Variants in PCDH15 observed in about 807,000 individuals in gnomAD.
The protein encoded by PCDH15 is protocadherin-15.
PCDH15 carries 129 observed loss-of-function variants against 178.5 expected under a neutral mutation model. The ratio of observed to expected loss-of-function variants is 0.72; its 90% CI spans 0.63 to 0.84. The LOEUF is 0.84. PCDH15 is among the 40% of genes least tolerant of loss of function. PCDH15 has a pLI of 0.00. For missense variants in PCDH15, 2,230 were observed against 2,099.9 expected, an observed-to-expected ratio of 1.06 and a Z score of -1.21; for synonymous variants, 800 against 732.0, an observed-to-expected ratio of 1.09 and a Z score of -1.50.
chr10:54,376,513 TA>T (rs1565120656), intron 4 of PCDH15, among the ~76,000 whole-genome samples: 2 of 151,300 alleles, frequency 1.3e-5, no homozygotes, highest in East Asian at 3.9e-4. Context: ...ACAATCTATA[TA>T]AAAAGTGTGC....
At chr10:53,902,036 A>T (rs1481567413) in intron 26 of PCDH15, among the ~76,000 whole-genome samples, 1 of 152,150 alleles carries the variant, frequency 6.6e-6, no homozygotes, top group Non-Finnish European at 1.5e-5. Context: ...AGTGTTTAGC[A>T]CATTATAGGT....
chr10:54,667,242 G>A (rs1205703315), intron 1 of PCDH15, among the ~76,000 whole-genome samples: 5 of 151,534 alleles, frequency 3.3e-5, no homozygotes, highest in Non-Finnish European at 5.9e-5. Context: ...CACTTCAATG[G>A]GCTCAATATT....
At chr10:55,258,518 CT>C (rs1017457652) in intron 1 of PCDH15, among the ~76,000 whole-genome samples, 1 of 152,132 alleles carries the variant, frequency 6.6e-6, no homozygotes, top group African/African-American at 2.4e-5. Flanking sequence ...GCTTCAATCT[CT>C]TTTTCTGCCT....
At chr10:53,922,626 A>C (rs1319569579) in intron 25 of PCDH15, among the ~76,000 whole-genome samples, 2 of 152,170 alleles carry the variant, frequency 1.3e-5, no homozygotes, top group Admixed American at 1.3e-4. Context: ...TGTTACATAG[A>C]ATTTTCCCTA....
In PCDH15 at chr10:55,318,160, T is replaced by G. The variant is rs181014509; in HGVS notation, c.-156+1439A>C. 9.7e-3 allele frequency among the ~76,000 whole-genome samples: 1,474 copies of G among 152,164 alleles called. 24 individuals are homozygous for G. The highest frequency in any genetic ancestry group is 0.033 in the African/African-American group (1,386 of 41,520). ...CTGGAACATTTTTATACCATAGTCA[T>G]TGGTGTACCATATGAAAAATTTAAC... On this transcript the variant is annotated intron_variant, in intron 1 of 5. Transcript: ENST00000458638.
chr10:55,404,593 A>T (rs986443677), intron 2 of PCDH15, among the ~76,000 whole-genome samples: 1 of 151,982 alleles, frequency 6.6e-6, no homozygotes, highest in Non-Finnish European at 1.5e-5. Context: ...CCCAAAAAGT[A>T]TAATACACCT....
At chr10:55,043,600 C>T (rs937743053) in intron 2 of PCDH15, among the ~76,000 whole-genome samples, 3 of 151,784 alleles carry the variant, frequency 2.0e-5, no homozygotes, top group African/African-American at 7.3e-5. Context: ...GTCCCAGCTA[C>T]TCGGGAGACT....
chr10:54,713,367 C>T lies in PCDH15; in HGVS notation c.-28-49077G>A, dbSNP rs189248499. Among the ~76,000 whole-genome samples the T allele has an allele frequency of 1.4e-3, 208 of 152,116 alleles. 1 individual carries two copies. Among genetic ancestry groups the T allele is most frequent in the Non-Finnish European group, 8.7e-4 (59 of 67,956 alleles). ...TGTACAACTTAATACTGTGAACAGACGCACGAGAGGAATATATTTAGGTAA... is the reference window on the plus strand; with the variant it reads ...TGTACAACTTAATACTGTGAACAGATGCACGAGAGGAATATATTTAGGTAA... On this transcript the variant is annotated intron_variant, in intron 1 of 37. Transcript: ENST00000644397.
intron 2 of PCDH15, among the ~76,000 whole-genome samples, chr10:54,969,572 G>A (rs1169727041): frequency 6.6e-6 from 1 of 152,104 alleles, no homozygotes; most frequent in African/African-American, 2.4e-5. Context: ...AAATCTCATG[G>A]TCTGCCCCTT....
At position 55,571,850 on chromosome 10, in the gene PCDH15, T is replaced by G. The variant is rs948576744; in HGVS notation, c.-156+55775A>C. On this transcript the variant is annotated intron_variant, in intron 2 of 5. Coordinates refer to the PCDH15 transcript ENST00000613346. ...AAGTATGCCAACTTGCCTTAGATTCTTGAAATTTATACTTTATCATCGTAT... is the reference window on the plus strand; with the variant it reads ...AAGTATGCCAACTTGCCTTAGATTCGTGAAATTTATACTTTATCATCGTAT... Among the ~76,000 whole-genome samples, 4 of 152,214 alleles carry G rather than the reference T, an allele frequency of 2.6e-5. No homozygotes were observed. In the South Asian group the frequency reaches 8.3e-4, roughly 32 times the overall value.
intron 3 of PCDH15, among the ~76,000 whole-genome samples, chr10:54,389,177 G>A (rs1444620799): frequency 6.6e-6 from 1 of 151,724 alleles, no homozygotes; most frequent in Non-Finnish European, 1.5e-5. Context: ...AAAAAAAACT[G>A]TAGGGCTCTT....
chr10:55,331,559 T>C (rs146809110), intron 2 of PCDH15, among the ~76,000 whole-genome samples: 58 of 151,906 alleles, frequency 3.8e-4, no homozygotes, highest in Non-Finnish European at 7.8e-4. Context: ...AACAAAGTGG[T>C]TGTAGGGGAG....
intron 1 of PCDH15, among the ~76,000 whole-genome samples, chr10:55,257,680 A>T (rs1317452413): frequency 2.6e-5 from 4 of 152,218 alleles, no homozygotes; most frequent in African/African-American, 2.4e-5. Context: ...AGAAAAAAGA[A>T]TAAAAAGAAA....
intron 8 of PCDH15, among the ~76,000 whole-genome samples, chr10:54,270,632 G>A (rs1022158282): frequency 8.6e-5 from 13 of 152,046 alleles, no homozygotes; most frequent in African/African-American, 2.4e-4. Context: ...TAAATGTGAT[G>A]TTCCACAATG....
At chr10:53,825,188 G>GAAGT (rs2076597505) in intron 32 of PCDH15, 1 of 1,515,572 alleles carries the variant, frequency 6.6e-7, no homozygotes, top group Admixed American at 2.3e-5. Context: ...TAGAAAAAAA[G>GAAGT]AAGTTTTTAC....
intron 9 of PCDH15, among the ~76,000 whole-genome samples, chr10:54,233,772 T>G (rs2054321756): frequency 1.3e-5 from 2 of 152,360 alleles, no homozygotes; most frequent in South Asian, 2.1e-4. Flanking sequence ...TGCTTTTATC[T>G]TTTTAGAATC....
At chr10:54,216,398 C>A (rs10453977) in intron 9 of PCDH15, among the ~76,000 whole-genome samples, 26,237 of 151,994 alleles carry the variant, frequency 0.17, 3,637 homozygotes, top group East Asian at 0.82. Flanking sequence ...ATGGAGGTTG[C>A]GTGAGCTGAG....
chr10:53,985,577 G>A lies in PCDH15; in HGVS notation c.2868+10072C>T, dbSNP rs192518337. On this transcript the variant is annotated intron_variant, in intron 21 of 37. Coordinates refer to ENST00000644397, the MANE Select transcript of PCDH15 (RefSeq NM_001384140.1). ...TGTAGCATTTAGCCACAATGGTAGTGTAGTCAAAGGGAAACTTCAAAACAG... is the reference window on the plus strand; with the variant it reads ...TGTAGCATTTAGCCACAATGGTAGTATAGTCAAAGGGAAACTTCAAAACAG... 2.0e-5 allele frequency among the ~76,000 whole-genome samples: 3 copies of A among 152,262 alleles called. No individual in the cohort carries two copies. In the East Asian group the frequency reaches 5.8e-4, roughly 29 times the overall value.
intron 1 of PCDH15, among the ~76,000 whole-genome samples, chr10:54,724,678 T>C (rs1004731779): frequency 3.3e-5 from 5 of 151,470 alleles, no homozygotes. Context: ...ATATATTTCC[T>C]TTTAAAATGG....
Sources: allele counts gnomAD v4.1 joint callset (sites outside exome capture counted in the v4.1 genomes callset), GRCh38; gene constraint gnomAD v4.1.1; transcripts MANE v1.5; gene names NCBI Gene and HGNC (gene_info 2026-07-23, HGNC 2026-07-21).